Variants in CMSS1 observed in about 807,000 individuals in gnomAD.
CMSS1 encodes cms1 ribosomal small subunit homolog.
A neutral mutation model predicts 43.5 loss-of-function variants in CMSS1; 33 were observed. The observed-to-expected ratio is 0.76, with a 90% CI of 0.57 to 1.01. The LOEUF (loss-of-function observed/expected upper bound fraction) is 1.01. Among genes scored for constraint, CMSS1 ranks in the 50% least tolerant of loss-of-function variants. The pLI, the probability that CMSS1 is intolerant of heterozygous loss-of-function variation, is 0.00. For synonymous variants in CMSS1, 115 were observed against 117.2 expected, an observed-to-expected ratio of 0.98 and a Z score of 0.12; for missense variants, 313 against 326.4, an observed-to-expected ratio of 0.96 and a Z score of 0.32.
chr3:99,991,934 G>GTGTATA (rs1709529811), intron 1 of CMSS1, among the ~76,000 whole-genome samples: 1 of 144,774 alleles, frequency 6.9e-6, no homozygotes, highest in African/African-American at 2.6e-5. Context: ...ACACACATAT[G>GTGTATA]TATGTGTATA....
At chr3:99,864,080 G>A (rs998198815) in intron 1 of CMSS1, among the ~76,000 whole-genome samples, 1 of 152,196 alleles carries the variant, frequency 6.6e-6, no homozygotes, top group African/African-American at 2.4e-5. Flanking sequence ...TAATATGTAG[G>A]AGGTATGGAA....
chr3:99,993,874 A>T (rs887230854), intron 1 of CMSS1, among the ~76,000 whole-genome samples: 3 of 151,984 alleles, frequency 2.0e-5, no homozygotes, highest in Non-Finnish European at 4.4e-5. Context: ...GATTTTATTT[A>T]CTAGTATTTT....
intron 1 of CMSS1, among the ~76,000 whole-genome samples, chr3:100,059,327 T>A (rs1222445338): frequency 2.6e-5 from 4 of 152,206 alleles, no homozygotes; most frequent in Non-Finnish European, 5.9e-5. Context: ...GCCTTCCATG[T>A]GACATCTTTT....
chr3:99,919,104 G>C (rs552498832), intron 1 of CMSS1, among the ~76,000 whole-genome samples: 19 of 151,910 alleles, frequency 1.3e-4, no homozygotes, highest in Non-Finnish European at 2.5e-4. Flanking sequence ...TTGCTTTGTA[G>C]GATACCCTTA....
chr3:99,980,957 C>G (rs569960666), intron 1 of CMSS1, among the ~76,000 whole-genome samples: 2 of 152,180 alleles, frequency 1.3e-5, no homozygotes, highest in South Asian at 4.1e-4. Context: ...ACAATTGGGA[C>G]CCATTTAACC....
chr3:100,115,538 A>G (rs2066551808), intron 1 of CMSS1, among the ~76,000 whole-genome samples: 1 of 141,582 alleles, frequency 7.1e-6, no homozygotes. Flanking sequence ...CACTGGTTGT[A>G]TTCTCCCTCT....
rs1050700829 is a variant in CMSS1 at position 99,826,432 on chromosome 3, T to C, written c.64+8389T>C. On this transcript the variant is annotated intron_variant, in intron 1 of 9. Transcript: ENST00000421999. ...TGTAAAAGCAGTCATAGAAAATAAA[T>C]GTGTAAACGAATGAGTATGGCTGTG... 3.9e-5 allele frequency among the ~76,000 whole-genome samples: 6 copies of C among 152,306 alleles called. No homozygotes were observed. The South Asian group carries it at 1.2e-3, about 32-fold the overall frequency.
intron 1 of CMSS1, among the ~76,000 whole-genome samples, chr3:100,018,408 T>C (rs1710406881): frequency 6.6e-6 from 1 of 152,134 alleles, no homozygotes; most frequent in African/African-American, 2.4e-5. Flanking sequence ...GCCACAAAAC[T>C]TCAGCATATT....
chr3:99,979,013 A>AGT (rs535689092), intron 1 of CMSS1, among the ~76,000 whole-genome samples: 304 of 152,330 alleles, frequency 2.0e-3, no homozygotes, highest in African/African-American at 6.9e-3. Context: ...AATAAGTTCT[A>AGT]GTGTCTGTGG....
intron 1 of CMSS1, among the ~76,000 whole-genome samples, chr3:99,977,663 A>C (rs992970606): frequency 1.4e-4 from 22 of 152,192 alleles, no homozygotes; most frequent in African/African-American, 5.3e-4. Context: ...AAACAGTATA[A>C]TATCTTAACC....
chr3:100,168,629 T>C (rs571358107), intron 6 of CMSS1, among the ~76,000 whole-genome samples: 3 of 152,124 alleles, frequency 2.0e-5, no homozygotes, highest in African/African-American at 4.8e-5. Flanking sequence ...CAATCAAAAA[T>C]GTATACCATA....
chr3:99,963,456 C>T (rs928757118), intron 1 of CMSS1, among the ~76,000 whole-genome samples: 2 of 152,014 alleles, frequency 1.3e-5, no homozygotes, highest in Non-Finnish European at 2.9e-5. Context: ...CTGACGGTCT[C>T]TGTGGGTCCA....
At chr3:99,884,382 T>C (rs1705827020) in intron 1 of CMSS1, among the ~76,000 whole-genome samples, 1 of 152,224 alleles carries the variant, frequency 6.6e-6, no homozygotes, top group African/African-American at 2.4e-5. Flanking sequence ...TATTTTCATG[T>C]ATTGCTGATT....
chr3:99,848,452 G>T (rs750024164), intron 1 of CMSS1: 1 of 1,614,168 alleles, frequency 6.2e-7, no homozygotes, highest in Admixed American at 1.7e-5. Context: ...CACAGGGCTG[G>T]CTACAGCTTG....
intron 1 of CMSS1, among the ~76,000 whole-genome samples, chr3:99,832,248 T>A (rs561547735): frequency 6.3e-4 from 95 of 150,866 alleles, no homozygotes; most frequent in African/African-American, 2.1e-3. Context: ...TTTTTTTTTT[T>A]GAGACGGAGT....
At chr3:99,991,951 T>TGTATATATACAC (rs1491537132) in intron 1 of CMSS1, among the ~76,000 whole-genome samples, 334 of 147,244 alleles carry the variant, frequency 2.3e-3, no homozygotes, top group African/African-American at 8.0e-3. Flanking sequence ...TATATATGTG[T>TGTATATATACAC]ATATATGTGT....
chr3:100,174,016 C>T (rs533964136), intron 8 of CMSS1, among the ~76,000 whole-genome samples: 1 of 152,320 alleles, frequency 6.6e-6, no homozygotes, highest in Admixed American at 6.5e-5. Flanking sequence ...AAACACTTAA[C>T]AAATATTAGT....
chr3:100,028,974 C>T (rs1224032930), intron 1 of CMSS1, among the ~76,000 whole-genome samples: 7 of 152,020 alleles, frequency 4.6e-5, no homozygotes, highest in Non-Finnish European at 8.8e-5. Flanking sequence ...CTCGTCAGTC[C>T]GTTACTTGAG....
intron 1 of CMSS1, among the ~76,000 whole-genome samples, chr3:100,063,724 G>C (rs1440149873): frequency 6.9e-6 from 1 of 145,698 alleles, no homozygotes; most frequent in Non-Finnish European, 1.5e-5. Context: ...AGTTTGCAAG[G>C]TTGCAAGAAA....
Sources: allele counts gnomAD v4.1 joint callset (sites outside exome capture counted in the v4.1 genomes callset), GRCh38; gene constraint gnomAD v4.1.1; transcripts MANE v1.5; gene names NCBI Gene and HGNC (gene_info 2026-07-23, HGNC 2026-07-21).